The following ZAP70 variants were observed in gnomAD, a reference collection of about 807,000 sequenced individuals.
The protein encoded by ZAP70 is zeta chain of T cell receptor associated protein kinase 70, also known as tyrosine-protein kinase ZAP-70.
A neutral mutation model predicts 65.8 loss-of-function variants in ZAP70; 27 were observed. The observed-to-expected ratio is 0.41, with a 90% CI of 0.30 to 0.57. The LOEUF (loss-of-function observed/expected upper bound fraction) is 0.57. Among genes scored for constraint, ZAP70 ranks in the 20% least tolerant of loss-of-function variants. The probability of loss-of-function intolerance (pLI) is 0.28; values close to 1 mark genes in which losing one functional copy is unlikely to be tolerated. For missense variants in ZAP70, 696 were observed against 870.5 expected (o/e 0.80, Z 2.52); for synonymous variants, 363 against 360.8 (o/e 1.01, Z -0.07).
At chr2:97,725,296 G>T in intron 4 of ZAP70, 44 bp downstream of exon 4, 1 of 1,603,686 alleles carries the variant, frequency 6.2e-7, no homozygotes, top group Non-Finnish European at 8.5e-7. Context: ...ATTGGGGCTC[G>T]TTGGCAGGGA....
the ZAP70 span, among the ~76,000 whole-genome samples, chr2:97,753,260 C>T: frequency 8.5e-5 from 13 of 152,088 alleles, no homozygotes; most frequent in Non-Finnish European, 1.5e-4. Flanking sequence ...AACTGTTGAT[C>T]GTCATTATAA....
At chr2:97,748,270 T>C in the ZAP70 span, among the ~76,000 whole-genome samples, 1 of 152,224 alleles carries the variant, frequency 6.6e-6, no homozygotes, top group Non-Finnish European at 1.5e-5. Context: ...ACCAGTTCCT[T>C]ATAATCGATG....
At chr2:97,733,057 G>C (rs200964452) in intron 5 of ZAP70, 36 bp downstream of exon 5, 2 of 1,613,882 alleles carry the variant, frequency 1.2e-6, no homozygotes, top group African/African-American at 1.3e-5. Context: ...GGGAGATGCC[G>C]TGCTCAGATG....
At chr2:97,723,209 C>T (rs1677227416) in intron 2 of ZAP70, among the ~76,000 whole-genome samples, 1 of 152,202 alleles carries the variant, frequency 6.6e-6, no homozygotes, top group Non-Finnish European at 1.5e-5. Context: ...TGCATTTAAC[C>T]AGTCCCCTAG....
At chr2:97,744,178 G>A (rs79646124), downstream of ZAP70, among the ~76,000 whole-genome samples, 682 of 152,228 alleles carry the variant, frequency 4.5e-3, 17 homozygotes, top group East Asian at 0.067. Flanking sequence ...TCCACTCCCC[G>A]CTCCTCGGCA....
At chr2:97,742,943 T>C (rs1180528907), downstream of ZAP70, among the ~76,000 whole-genome samples, 2 of 152,244 alleles carry the variant, frequency 1.3e-5, no homozygotes, top group Non-Finnish European at 2.9e-5. Context: ...GTTTAATTCA[T>C]GTTCTAGAGG....
At chr2:97,724,979 G>C (rs537610203) in intron 3 of ZAP70, 113 bp from the exon 4 acceptor site, 3 of 1,554,604 alleles carry the variant, frequency 1.9e-6, no homozygotes, top group Non-Finnish European at 2.6e-6. Context: ...CCTAACACGC[G>C]CTAGGGACGC....
At chr2:97,743,301 TTCTTA>T (rs1440612410), downstream of ZAP70, among the ~76,000 whole-genome samples, 1 of 152,196 alleles carries the variant, frequency 6.6e-6, no homozygotes, top group Non-Finnish European at 1.5e-5. Flanking sequence ...TCCTGGTTCT[TTCTTA>T]TATCTGCCTG....
At position 97,724,406 on chromosome 2, in the gene ZAP70, C is replaced by G. The variant is rs774131317; in HGVS notation, c.370C>G (p.Arg124Gly). Reference protein sequence around the residue: ...VFDCLRDAMVRDYVRQTWKLE... With the variant: ...VFDCLRDAMVGDYVRQTWKLE... Reference sequence around the variant, plus strand: ...CGACTGCCTGCGAGACGCCATGGTGCGTGACTACGTGCGCCAGACGTGGAA... The same window carrying G: ...CGACTGCCTGCGAGACGCCATGGTGGGTGACTACGTGCGCCAGACGTGGAA... Residue 124 changes from arginine (R) to glycine (G), a missense_variant, in exon 3 of 14, where the codon CGT (arginine) becomes GGT (glycine). Transcript: ENST00000264972. 1 of 1,537,970 alleles carries G rather than the reference C, an allele frequency of 6.5e-7. No homozygotes were observed. Among genetic ancestry groups the G allele is most frequent in the Non-Finnish European group, 8.7e-7 (1 of 1,143,100 alleles).
chr2:97,754,238 A>ACAGT, the ZAP70 span, among the ~76,000 whole-genome samples: 2 of 152,122 alleles, frequency 1.3e-5, no homozygotes, highest in African/African-American at 4.8e-5. Context: ...TCCCAAGTAC[A>ACAGT]CAGTGTTTCT....
intron 8 of ZAP70, 95 bp from the exon 9 acceptor site, chr2:97,734,425 A>G: frequency 6.7e-7 from 1 of 1,484,808 alleles, no homozygotes; most frequent in Non-Finnish European, 8.9e-7. Flanking sequence ...CAGGGACGGC[A>G]CCCTTGTCTG....
Position 97,731,867 on chromosome 2 carries a change from G to C in ZAP70, c.564-1016G>C, listed in dbSNP as rs1222602679. Among the ~76,000 whole-genome samples, 2 of 152,124 alleles carry C rather than the reference G, an allele frequency of 1.3e-5. No individual in the cohort carries two copies. Among genetic ancestry groups the C allele is most frequent in the Non-Finnish European group, 2.9e-5 (2 of 68,026 alleles). On this transcript the variant is annotated intron_variant, in intron 4 of 13. Transcript: ENST00000264972. This position sits in a 1 kb window ranked among gnomAD's most constrained non-coding sequence, Gnocchi z 4.0. ...AGTGCAGTGCAATCCCTGAGATCAG[G>C]AGTCGGCTGCTTCCGGCCTCCACAG...
chr2:97,739,898 G>T (rs202076885), downstream of ZAP70: 1 of 236,614 alleles, frequency 4.2e-6, no homozygotes, highest in South Asian at 6.2e-5. Flanking sequence ...GAGGGTAGGT[G>T]TCAGGGGAGG....
intron 4 of ZAP70, among the ~76,000 whole-genome samples, chr2:97,727,114 C>T (rs1470597290): frequency 6.6e-6 from 1 of 152,170 alleles, no homozygotes; most frequent in Non-Finnish European, 1.5e-5. Context: ...TGCAGGGTTC[C>T]CAAGATCAGT....
rs756672820 is a variant in ZAP70 at position 97,733,585 on chromosome 2, C to T, written c.879C>T (p.Thr293=). 6.8e-6 allele frequency: 11 copies of T among 1,613,614 alleles called. No homozygotes were observed. The East Asian group carries it at 2.2e-4, about 33-fold the overall frequency. The part of the protein sequence containing the change: ...RIDTLNSDGY[T]PEPARITSPD... ...ACACCCTCAACTCAGATGGATACAC[C>T]CCTGAGCCAGGTGAGCGGGCAGAGG... Residue 293 remains threonine (T), a synonymous_variant, in exon 8 of 14, where the codon ACC becomes ACT. Coordinates refer to ENST00000264972, the MANE Select transcript of ZAP70 (RefSeq NM_001079.4).
At chr2:97,751,136 A>T in the ZAP70 span, among the ~76,000 whole-genome samples, 1 of 152,214 alleles carries the variant, frequency 6.6e-6, no homozygotes, top group Non-Finnish European at 1.5e-5. Flanking sequence ...AATATACATG[A>T]GTGTGTGGCA....
chr2:97,725,725 C>T (rs1292557953), intron 4 of ZAP70, among the ~76,000 whole-genome samples: 2 of 152,104 alleles, frequency 1.3e-5, no homozygotes, highest in Admixed American at 6.5e-5. Context: ...GGTGGGGAGG[C>T]GGTTGCAATT....
In ZAP70 at chr2:97,737,482, C is replaced by T. The variant is rs542619486; in HGVS notation, c.1299C>T (p.Ile433=). ...TTCCCCGCCACCCCAGGGAGGAGAT[C>T]CCTGTGAGCAATGTGGCCGAGCTGC... is the stretch of plus-strand genomic sequence containing the variant. ...HKFLVGKREE[I]PVSNVAELLH... The change falls in exon 11 of 14, where the codon ATC becomes ATT. Residue 433 remains isoleucine (I), a synonymous_variant. Coordinates refer to ENST00000264972, the MANE Select transcript of ZAP70 (RefSeq NM_001079.4). This position sits in a 1 kb window ranked among gnomAD's most constrained non-coding sequence, Gnocchi z 5.0. The T allele has an allele frequency of 6.2e-7, 1 of 1,613,964 alleles. No homozygotes were observed. The highest frequency in any genetic ancestry group is 1.3e-5 in the African/African-American group (1 of 74,912).
chr2:97,731,672 T>G lies in ZAP70; in HGVS notation c.564-1211T>G, dbSNP rs1001130471. Reference sequence around the variant, plus strand: ...CCTAAGGAAGGGCCTTATTGCAAGGTGGGCCCATGGCTGCCTTGCTCACTG... The same window carrying G: ...CCTAAGGAAGGGCCTTATTGCAAGGGGGGCCCATGGCTGCCTTGCTCACTG... On this transcript the variant is annotated intron_variant, in intron 4 of 13. Transcript: ENST00000264972. The surrounding 1 kb of genome is among the most constrained non-coding windows in gnomAD (Gnocchi z 4.0). Among the ~76,000 whole-genome samples the G allele has an allele frequency of 6.6e-6, 1 of 152,182 alleles. No homozygotes were observed. Among genetic ancestry groups the G allele is most frequent in the African/African-American group, 2.4e-5 (1 of 41,440 alleles).
Sources: allele counts gnomAD v4.1 joint callset (sites outside exome capture counted in the v4.1 genomes callset), GRCh38; gene constraint gnomAD v4.1.1; non-coding constraint Gnocchi (gnomAD v3.1); transcripts MANE v1.5; gene names NCBI Gene and HGNC (gene_info 2026-07-23, HGNC 2026-07-21).